CNTNAP5: variants seen among roughly 807,000 people sequenced by gnomAD.
CNTNAP5 encodes the protein contactin associated protein family member 5.
CNTNAP5 carries 72 observed loss-of-function variants against 150.2 expected under a neutral mutation model. That is an observed-to-expected ratio of 0.48 (90% CI 0.40 to 0.58). The LOEUF is 0.58. Among genes scored for constraint, CNTNAP5 ranks in the 20% least tolerant of loss-of-function variants. The pLI, the probability that CNTNAP5 is intolerant of heterozygous loss-of-function variation, is 0.00. For missense variants in CNTNAP5, 1,636 were observed against 1,626.2 expected (o/e 1.01, Z -0.10); for synonymous variants, 672 against 619.8 (o/e 1.08, Z -1.25).
intron 7 of CNTNAP5, among the ~76,000 whole-genome samples, chr2:124,495,624 G>A (rs1694124359): frequency 1.3e-5 from 2 of 152,196 alleles, no homozygotes; most frequent in Non-Finnish European, 2.9e-5. Flanking sequence ...TCTCGTGGAT[G>A]TCTCTCAAAT....
chr2:124,295,951 A>G (rs1688419087), intron 3 of CNTNAP5, among the ~76,000 whole-genome samples: 1 of 152,250 alleles, frequency 6.6e-6, no homozygotes, highest in Non-Finnish European at 1.5e-5. Flanking sequence ...ATTAATAATA[A>G]CAAAAAGTTT....
intron 3 of CNTNAP5, among the ~76,000 whole-genome samples, chr2:124,373,536 A>C (rs1319889116): frequency 2.6e-5 from 4 of 152,132 alleles, no homozygotes; most frequent in Admixed American, 2.6e-4. Context: ...CATATTTTCC[A>C]GTTTTATTAA....
intron 2 of CNTNAP5, among the ~76,000 whole-genome samples, chr2:124,227,640 ATGTGTGTGTGTGTG>A (rs200129722): frequency 7.0e-6 from 1 of 143,322 alleles, no homozygotes; most frequent in Non-Finnish European, 1.5e-5. Context: ...CATCGTGTGT[ATGTGTGTGTGTGTG>A]TGTGTGTGTG....
At chr2:124,370,290 C>T (rs544149733) in intron 3 of CNTNAP5, among the ~76,000 whole-genome samples, 76 of 151,972 alleles carry the variant, frequency 5.0e-4, no homozygotes, top group African/African-American at 1.8e-3. Flanking sequence ...GAAGACAAAG[C>T]AGCAGGAAGA....
rs181825116 is a variant in CNTNAP5, at chr2:124,433,345, C to T, written c.530-1139C>T. On this transcript the variant is annotated intron_variant, in intron 4 of 23. Coordinates refer to ENST00000682447, the MANE Select transcript of CNTNAP5 (RefSeq NM_001367498.1). ...ACATTTTGGTTAGGACACTTTGTTC[C>T]GTATAAATAAATTGTGAAATTGGGT... Among the ~76,000 whole-genome samples, 23 of 152,210 alleles carry T rather than the reference C, an allele frequency of 1.5e-4. No individual in the cohort carries two copies. In the East Asian group the frequency reaches 4.0e-3, roughly 27 times the overall value.
chr2:124,250,010 T>G (rs1489095384), intron 3 of CNTNAP5, among the ~76,000 whole-genome samples: 1 of 151,878 alleles, frequency 6.6e-6, no homozygotes, highest in Non-Finnish European at 1.5e-5. Context: ...TCTTTGTTGT[T>G]GTTTTCTTAT....
intron 11 of CNTNAP5, among the ~76,000 whole-genome samples, chr2:124,578,427 A>T (rs1696342514): frequency 6.6e-6 from 1 of 152,016 alleles, no homozygotes; most frequent in Non-Finnish European, 1.5e-5. Flanking sequence ...CTTACAGCTC[A>T]AAAGGGTCTC....
intron 19 of CNTNAP5, among the ~76,000 whole-genome samples, chr2:124,853,243 A>T (rs1683192430): frequency 1.3e-5 from 2 of 152,174 alleles, no homozygotes; most frequent in African/African-American, 2.4e-5. Flanking sequence ...TTTAGATCTT[A>T]TATGTACATT....
At chr2:124,337,357 C>A (rs187261402) in intron 3 of CNTNAP5, among the ~76,000 whole-genome samples, 5 of 152,072 alleles carry the variant, frequency 3.3e-5, no homozygotes, top group South Asian at 2.1e-4. Context: ...TCTTTTGCTG[C>A]GCAGAAGCTC....
At chr2:124,850,113 A>G (rs6750443) in intron 19 of CNTNAP5, among the ~76,000 whole-genome samples, 38,779 of 152,138 alleles carry the variant, frequency 0.25, 7,282 homozygotes, top group African/African-American at 0.53. Flanking sequence ...TATATGAAAT[A>G]CATTTGAGAT....
intron 13 of CNTNAP5, among the ~76,000 whole-genome samples, chr2:124,729,744 C>T (rs1224283009): frequency 6.6e-6 from 1 of 151,994 alleles, no homozygotes; most frequent in Non-Finnish European, 1.5e-5. Flanking sequence ...GATAAAATAA[C>T]CACACCCTCT....
At chr2:124,373,430 G>A (rs11123037) in intron 3 of CNTNAP5, among the ~76,000 whole-genome samples, 82,873 of 151,890 alleles carry the variant, frequency 0.55, 22,988 homozygotes, top group African/African-American at 0.63. Context: ...GGAAATTGTG[G>A]TTTAATAAAT....
At chr2:124,061,308 A>G (rs545028633) in intron 1 of CNTNAP5, among the ~76,000 whole-genome samples, 81 of 152,276 alleles carry the variant, frequency 5.3e-4, no homozygotes, top group African/African-American at 1.9e-3. Context: ...TTTTGCCTAC[A>G]TAAATCATTC....
chr2:124,774,627 G>T (rs1040422469), intron 17 of CNTNAP5, among the ~76,000 whole-genome samples: 7 of 152,240 alleles, frequency 4.6e-5, no homozygotes, highest in African/African-American at 1.7e-4. Flanking sequence ...GACTTCTGAG[G>T]AAGGTTGCTA....
chr2:124,627,232 C>T (rs1200648672), intron 12 of CNTNAP5, among the ~76,000 whole-genome samples: 1 of 152,156 alleles, frequency 6.6e-6, no homozygotes, highest in Non-Finnish European at 1.5e-5. Context: ...CCCTAAGGGG[C>T]AGACTGTCTT....
At chr2:124,638,200 AATACATATATATGATACATATATATG>A (rs148089008) in intron 12 of CNTNAP5, among the ~76,000 whole-genome samples, 3 of 147,760 alleles carry the variant, frequency 2.0e-5, no homozygotes, top group African/African-American at 4.9e-5. Flanking sequence ...AGATATATAT[AATACATATATATGATACATATATATG>A]ATACATATAT....
chr2:124,789,870 T>A, intron 17 of CNTNAP5, 32 bp from the exon 18 acceptor site: 2 of 1,607,270 alleles, frequency 1.2e-6, no homozygotes, highest in Non-Finnish European at 1.7e-6. Flanking sequence ...CTATAATACC[T>A]TACATTTGTT....
rs1558769672 is a variant in CNTNAP5, at chr2:124,772,911, G to A, written c.2646G>A (p.Arg882=). Residue 882 remains arginine (R), a synonymous_variant, in exon 17 of 24, where the codon AGG becomes AGA. Coordinates refer to ENST00000682447, the MANE Select transcript of CNTNAP5 (RefSeq NM_001367498.1). ...AATGGCACTATGTCCGGGCTGAGAG[G>A]AACCTCAAGGAGACCTCCCTGCAGG... The part of the protein sequence containing the change: ...DNQWHYVRAE[R]NLKETSLQVD... The A allele has an allele frequency of 8.7e-6, 14 of 1,613,580 alleles. No individual in the cohort carries two copies. The highest frequency in any genetic ancestry group is 1.2e-5 in the Non-Finnish European group (14 of 1,179,694).
intron 13 of CNTNAP5, among the ~76,000 whole-genome samples, chr2:124,694,568 C>A (rs1679365955): frequency 6.6e-6 from 1 of 152,098 alleles, no homozygotes; most frequent in Non-Finnish European, 1.5e-5. Context: ...CACATAGGCA[C>A]AGGTTTTTAG....
Sources: allele counts gnomAD v4.1 joint callset (sites outside exome capture counted in the v4.1 genomes callset), GRCh38; gene constraint gnomAD v4.1.1; transcripts MANE v1.5; gene names NCBI Gene and HGNC (gene_info 2026-07-23, HGNC 2026-07-21).